PPP1R21: variants seen among roughly 807,000 people sequenced by gnomAD.
The protein encoded by PPP1R21 is KLRAQ motif containing 1.
Under a neutral mutation model 112.8 loss-of-function variants are expected in PPP1R21, and 85 were observed. That is an observed-to-expected ratio of 0.75 (90% CI 0.63 to 0.90). The LOEUF (loss-of-function observed/expected upper bound fraction) is 0.90. Among genes scored for constraint, PPP1R21 ranks in the 40% least tolerant of loss-of-function variants. The probability of loss-of-function intolerance (pLI) is 0.00; values close to 1 mark genes in which losing one functional copy is unlikely to be tolerated. For synonymous variants in PPP1R21, 381 were observed against 322.3 expected (o/e 1.18, Z -1.95); for missense variants, 1,199 against 901.5 (o/e 1.33, Z -4.23).
At chr2:48,458,920 T>A (rs1005914855) in intron 4 of PPP1R21, among the ~76,000 whole-genome samples, 47 of 151,860 alleles carry the variant, frequency 3.1e-4, no homozygotes, top group African/African-American at 1.1e-3. Flanking sequence ...GTGAAACCCC[T>A]TCTCTAGTAA....
chr2:48,486,108 G>T (rs1669284216), intron 13 of PPP1R21, among the ~76,000 whole-genome samples: 2 of 151,894 alleles, frequency 1.3e-5, no homozygotes, highest in South Asian at 4.2e-4. Flanking sequence ...AGGAAGTCAG[G>T]CACTGGGGCG....
At chr2:48,463,097 C>A (rs1405320128) in intron 7 of PPP1R21, among the ~76,000 whole-genome samples, 1 of 152,178 alleles carries the variant, frequency 6.6e-6, no homozygotes, top group African/African-American at 2.4e-5. Context: ...ATCTATATAA[C>A]TGCTGATGTA....
intron 19 of PPP1R21, among the ~76,000 whole-genome samples, chr2:48,508,898 T>G (rs1373148451): frequency 6.6e-6 from 1 of 152,212 alleles, no homozygotes; most frequent in African/African-American, 2.4e-5. Context: ...ATTCAAGAAT[T>G]TTTAAATTGT....
intron 3 of PPP1R21, 179 bp from the exon 4 acceptor site, chr2:48,457,946 GT>G: frequency 1.8e-6 from 1 of 570,532 alleles, no homozygotes; most frequent in Non-Finnish European, 3.4e-6. Flanking sequence ...AATATTTGCA[GT>G]TTCAACTTGT....
At chr2:48,458,350 C>T in intron 4 of PPP1R21, 123 bp downstream of exon 4, 1 of 584,574 alleles carries the variant, frequency 1.7e-6, no homozygotes, top group Admixed American at 2.7e-5. Flanking sequence ...CTATGGTCTT[C>T]AAGTATATAT....
rs1295167404 is a variant in PPP1R21 at position 48,456,278 on chromosome 2, G to T, written c.273+1537G>T. ...TTTTTTTTTTTTTTTAAGGGTAGAA[G>T]TAGTGATTGAGTCTTTAAGTCTTGT... On this transcript the variant is annotated intron_variant, in intron 3 of 21. Transcript: ENST00000294952. 6.1e-5 allele frequency among the ~76,000 whole-genome samples: 9 copies of T among 148,266 alleles called. 1 individual carries two copies. The highest frequency in any genetic ancestry group is 1.2e-4 in the Non-Finnish European group (8 of 67,486).
At chr2:48,456,900 A>C (rs1054086222) in intron 3 of PPP1R21, among the ~76,000 whole-genome samples, 4 of 152,078 alleles carry the variant, frequency 2.6e-5, no homozygotes, top group African/African-American at 9.7e-5. Flanking sequence ...AAAATACAAA[A>C]AATTAGCCCA....
At chr2:48,513,908 A>T (rs945747951) in intron 21 of PPP1R21, among the ~76,000 whole-genome samples, 1 of 152,192 alleles carries the variant, frequency 6.6e-6, no homozygotes, top group South Asian at 2.1e-4. Flanking sequence ...ATTTGAGGAA[A>T]TGGAATAAGT....
intron 1 of PPP1R21, among the ~76,000 whole-genome samples, chr2:48,447,125 A>T (rs1326037615): frequency 6.6e-6 from 1 of 152,226 alleles, no homozygotes; most frequent in Non-Finnish European, 1.5e-5. Context: ...GAATAGTTTA[A>T]TTTTAAAGAG....
At chr2:48,478,844 C>A (rs143945411) in intron 12 of PPP1R21, among the ~76,000 whole-genome samples, 1 of 152,358 alleles carries the variant, frequency 6.6e-6, no homozygotes, top group African/African-American at 2.4e-5. Context: ...GCTTGAACTT[C>A]TCCACACTGT....
intron 17 of PPP1R21, among the ~76,000 whole-genome samples, chr2:48,503,739 A>G (rs1037094037): frequency 1.1e-4 from 16 of 151,860 alleles, no homozygotes; most frequent in African/African-American, 3.9e-4. Context: ...TGAGGTCAAG[A>G]GTTCGAAACC....
At chr2:48,473,787 GAATA>G (rs1426966074) in intron 11 of PPP1R21, among the ~76,000 whole-genome samples, 1 of 151,782 alleles carries the variant, frequency 6.6e-6, no homozygotes, top group African/African-American at 2.4e-5. Flanking sequence ...ATTTTAAAAT[GAATA>G]GTTAAGACAC....
At chr2:48,441,862 A>T (rs767763372) in intron 1 of PPP1R21, among the ~76,000 whole-genome samples, 1 of 152,252 alleles carries the variant, frequency 6.6e-6, no homozygotes, top group Non-Finnish European at 1.5e-5. Context: ...TGACTTTGGC[A>T]TTCATGGAGT....
At position 48,495,720 on chromosome 2, in the gene PPP1R21, C is replaced by T. The variant is rs376727426; in HGVS notation, c.1641C>T (p.Asn547=). ...ESVPYEEALA[N]RRILLSSTES... The stretch of plus-strand genomic sequence containing the variant: ...TGCCTTATGAAGAAGCACTGGCAAA[C>T]CGCCGCATCCTTCTCAGCTCTACTG... The change falls in exon 16 of 22, where the codon AAC becomes AAT. Residue 547 remains asparagine, a synonymous_variant. Coordinates refer to ENST00000294952, the MANE Select transcript of PPP1R21 (RefSeq NM_001135629.3). The T allele has an allele frequency of 6.2e-7, 1 of 1,612,680 alleles. No individual in the cohort carries two copies.
rs1235472555 is a variant in PPP1R21 at position 48,510,119 on chromosome 2, T to C, written c.2184+6T>C. 2 of 1,600,522 alleles carry C rather than the reference T, an allele frequency of 1.2e-6. No homozygotes were observed. The highest frequency in any genetic ancestry group is 2.2e-5 in the East Asian group (1 of 44,784). On this transcript the variant is annotated splice_donor_region_variant and intron_variant, in intron 20 of 21. Coordinates refer to ENST00000294952, the MANE Select transcript of PPP1R21 (RefSeq NM_001135629.3). The stretch of plus-strand genomic sequence containing the variant: ...AGAACATCAGCAGACTTCAGGTGAG[T>C]TAAGTGTTACCTGAATGGTTTTAAT...
rs188680931 is a variant in PPP1R21, at chr2:48,505,975, G to C, written c.1968+379G>C. On this transcript the variant is annotated intron_variant, in intron 18 of 21. Transcript: ENST00000294952. ...CTTAGCAAGGGCTATCTAGGGCCTT[G>C]ACCAAGTACAGTGTACTTGGTAGCT... 6.7e-3 allele frequency among the ~76,000 whole-genome samples: 1,024 copies of C among 152,316 alleles called. 7 individuals carry two copies. Among genetic ancestry groups the C allele is most frequent in the Non-Finnish European group, 8.6e-3 (584 of 68,030 alleles).
intron 17 of PPP1R21, among the ~76,000 whole-genome samples, chr2:48,503,719 G>A (rs1180375830): frequency 2.0e-5 from 3 of 151,882 alleles, no homozygotes; most frequent in East Asian, 1.9e-4. Flanking sequence ...AGGCCGAGGC[G>A]GGTGGATCAT....
chr2:48,454,812 T>A, intron 3 of PPP1R21, 71 bp downstream of exon 3: 1 of 1,181,270 alleles, frequency 8.5e-7, no homozygotes, highest in Admixed American at 1.9e-5. Context: ...CATCCTGGTT[T>A]TAACAGAAGA....
chr2:48,480,637 A>G (rs1668970189), intron 13 of PPP1R21, among the ~76,000 whole-genome samples: 2 of 152,048 alleles, frequency 1.3e-5, no homozygotes, highest in South Asian at 2.1e-4. Flanking sequence ...CAACTTTGCA[A>G]TTGCTTCTAG....
Sources: allele counts gnomAD v4.1 joint callset (sites outside exome capture counted in the v4.1 genomes callset), GRCh38; gene constraint gnomAD v4.1.1; transcripts MANE v1.5; gene names NCBI Gene and HGNC (gene_info 2026-07-23, HGNC 2026-07-21).